The following LSAMP variants were observed in gnomAD, a reference collection of about 807,000 sequenced individuals.
The protein encoded by LSAMP is limbic system-associated membrane protein.
In LSAMP, 7 loss-of-function variants were observed where a neutral mutation model predicts 38.6. That is an observed-to-expected ratio of 0.18 (90% CI 0.10 to 0.34). LSAMP has a LOEUF of 0.34. LSAMP is among the 10% of genes least tolerant of loss of function. LSAMP has a pLI of 1.00. For missense variants in LSAMP, 313 were observed against 420.0 expected, an observed-to-expected ratio of 0.75 and a Z score of 2.23; for synonymous variants, 154 against 166.8, an observed-to-expected ratio of 0.92 and a Z score of 0.59.
chr3:116,078,243 T>C (rs1459201216), intron 2 of LSAMP, among the ~76,000 whole-genome samples: 2 of 151,836 alleles, frequency 1.3e-5, no homozygotes, highest in African/African-American at 4.8e-5. Flanking sequence ...TTCTATTAGT[T>C]AGCATTCTAT....
intron 1 of LSAMP, among the ~76,000 whole-genome samples, chr3:116,329,023 A>G (rs2047813922): frequency 6.6e-6 from 1 of 152,178 alleles, no homozygotes. Flanking sequence ...AAAACTTTAC[A>G]CAACTCAGAA....
intron 3 of LSAMP, among the ~76,000 whole-genome samples, chr3:115,991,783 G>A (rs778029476): frequency 5.3e-5 from 8 of 151,430 alleles, no homozygotes; most frequent in Non-Finnish European, 1.2e-4. Flanking sequence ...CAGGCAGGCT[G>A]TTACTATGAA....
intron 1 of LSAMP, among the ~76,000 whole-genome samples, chr3:116,401,957 T>C (rs931687658): frequency 1.3e-5 from 2 of 152,318 alleles, no homozygotes; most frequent in African/African-American, 4.8e-5. Flanking sequence ...AGATACTACA[T>C]AAATTTTTAA....
chr3:116,097,267 C>T (rs2107443522), intron 1 of LSAMP, among the ~76,000 whole-genome samples: 1 of 152,194 alleles, frequency 6.6e-6, no homozygotes. Context: ...TATCTCATTC[C>T]AGCAGTAGGG....
chr3:116,420,601 T>C (rs1260891939), intron 1 of LSAMP, among the ~76,000 whole-genome samples: 6 of 151,312 alleles, frequency 4.0e-5, no homozygotes, highest in African/African-American at 1.5e-4. Context: ...GCGCGGTGGC[T>C]CCAGACTGTA....
intron 1 of LSAMP, among the ~76,000 whole-genome samples, chr3:116,285,106 GT>G (rs1392449787): frequency 6.6e-6 from 1 of 152,114 alleles, no homozygotes; most frequent in Non-Finnish European, 1.5e-5. Flanking sequence ...ACTACGACTG[GT>G]TTGAAGCTTG....
At chr3:115,884,890 C>T (rs1002204406) in intron 3 of LSAMP, among the ~76,000 whole-genome samples, 5 of 151,848 alleles carry the variant, frequency 3.3e-5, no homozygotes, top group Admixed American at 2.0e-4. Flanking sequence ...AAGAGGTATT[C>T]CTTTAGATGT....
At chr3:116,124,297 A>G (rs1376098404) in intron 1 of LSAMP, among the ~76,000 whole-genome samples, 1 of 152,154 alleles carries the variant, frequency 6.6e-6, no homozygotes, top group Non-Finnish European at 1.5e-5. Context: ...ATCCTTAGGG[A>G]ACCAAATACA....
intron 3 of LSAMP, among the ~76,000 whole-genome samples, chr3:115,908,469 A>G (rs1937062919): frequency 6.6e-6 from 1 of 152,148 alleles, no homozygotes; most frequent in Non-Finnish European, 1.5e-5. Flanking sequence ...AAACCTGAAC[A>G]CAGGACCCTA....
chr3:115,905,462 C>T (rs1936985209), intron 3 of LSAMP, among the ~76,000 whole-genome samples: 2 of 152,042 alleles, frequency 1.3e-5, no homozygotes, highest in Admixed American at 6.6e-5. Context: ...TCATTATAAG[C>T]CCCCAAAATG....
intron 1 of LSAMP, among the ~76,000 whole-genome samples, chr3:116,395,312 CCACCCTGAGATG>C (rs1182812512): frequency 2.0e-5 from 3 of 152,126 alleles, no homozygotes; most frequent in Non-Finnish European, 2.9e-5. Context: ...AGAGTAGTTC[CCACCCTGAGATG>C]CACGGCACAC....
At chr3:116,173,717 C>T (rs987593923) in intron 1 of LSAMP, among the ~76,000 whole-genome samples, 1 of 150,980 alleles carries the variant, frequency 6.6e-6, no homozygotes, top group African/African-American at 2.4e-5. Flanking sequence ...TGAAGATGAG[C>T]GAGAGCATAT....
intron 3 of LSAMP, among the ~76,000 whole-genome samples, chr3:116,012,138 A>G (rs193059951): frequency 7.2e-5 from 11 of 152,324 alleles, no homozygotes; most frequent in African/African-American, 1.9e-4. Flanking sequence ...TTAACTCCCA[A>G]ATAAATCTAC....
chr3:116,399,917 G>T (rs1003925697), intron 1 of LSAMP, among the ~76,000 whole-genome samples: 1 of 152,158 alleles, frequency 6.6e-6, no homozygotes, highest in African/African-American at 2.4e-5. Context: ...CTGGGTGTGT[G>T]TGTTTCTGAG....
At chr3:115,894,164 T>G (rs1017318021) in intron 3 of LSAMP, among the ~76,000 whole-genome samples, 1 of 152,086 alleles carries the variant, frequency 6.6e-6, no homozygotes, top group African/African-American at 2.4e-5. Context: ...TCTTCTAGCC[T>G]GGTTGGACAA....
At chr3:115,874,167 A>G (rs926516073) in intron 3 of LSAMP, among the ~76,000 whole-genome samples, 1 of 152,084 alleles carries the variant, frequency 6.6e-6, no homozygotes, top group Non-Finnish European at 1.5e-5. Context: ...GAGCTTTTAG[A>G]TTTCAGCACG....
intron 5 of LSAMP, 103 bp downstream of exon 5, chr3:115,842,355 T>C: frequency 1.4e-6 from 2 of 1,418,588 alleles, no homozygotes; most frequent in Non-Finnish European, 1.9e-6. Context: ...AGAATATAGT[T>C]CTACATAATT....
intron 3 of LSAMP, among the ~76,000 whole-genome samples, chr3:115,934,429 G>A (rs1472043643): frequency 2.6e-5 from 4 of 152,042 alleles, no homozygotes; most frequent in East Asian, 1.9e-4. Context: ...CACCTGCCTC[G>A]GCCTCCCAAA....
rs111936079 is a variant in LSAMP, at chr3:115,984,505, T to C, written c.514+35010A>G. On this transcript the variant is annotated intron_variant, in intron 3 of 6. Transcript: ENST00000490035. ...ACAAAGTGTGAGGGATTTAGCTATG[T>C]GGTGAGAATAAAAAGAAGGAATGAA... Among the ~76,000 whole-genome samples, 692 of 152,292 alleles carry C rather than the reference T, an allele frequency of 4.5e-3. 3 individuals carry two copies. The highest frequency in any genetic ancestry group is 8.2e-3 in the Non-Finnish European group (558 of 68,028).
Sources: gnomAD v4.1 joint callset for allele counts (sites outside exome capture counted in the v4.1 genomes callset) on GRCh38, gnomAD v4.1.1 for gene constraint, MANE v1.5 for transcripts, NCBI Gene and HGNC (gene_info 2026-07-23, HGNC 2026-07-21) for gene names.